XKR9: variants seen among roughly 807,000 people sequenced by gnomAD.
The protein encoded by XKR9 is XK related 9.
In XKR9, 32 loss-of-function variants were observed where a neutral mutation model predicts 32.0. The observed-to-expected ratio is 1.00, with a 90% CI of 0.76 to 1.34. The LOEUF is 1.34. Ranked by LOEUF, XKR9 falls within the 40% of genes most tolerant of loss-of-function variation. XKR9 has a pLI of 0.00. For synonymous variants in XKR9, 168 were observed against 143.4 expected (o/e 1.17, Z -1.22); for missense variants, 546 against 429.7 (o/e 1.27, Z -2.39).
At chr8:71,026,726 AT>A in the XKR9 span, among the ~76,000 whole-genome samples, 1 of 152,192 alleles carries the variant, frequency 6.6e-6, no homozygotes, top group Non-Finnish European at 1.5e-5. Context: ...GATATTTATT[AT>A]TCTAAGTGCA....
chr8:70,960,838 C>A, the XKR9 span, among the ~76,000 whole-genome samples: 1 of 150,204 alleles, frequency 6.7e-6, no homozygotes, highest in Admixed American at 6.6e-5. Context: ...GCCCACCGTA[C>A]TTCAGCCTAG....
At chr8:70,922,931 G>C in the XKR9 span, among the ~76,000 whole-genome samples, 1 of 152,228 alleles carries the variant, frequency 6.6e-6, no homozygotes, top group Non-Finnish European at 1.5e-5. Context: ...TGATGCTGCC[G>C]ACGGGGCTCA....
the XKR9 span, among the ~76,000 whole-genome samples, chr8:70,949,935 A>G: frequency 6.6e-6 from 1 of 152,196 alleles, no homozygotes; most frequent in Non-Finnish European, 1.5e-5. Context: ...TGAAGCTTTG[A>G]GAAGTTCACA....
At chr8:70,889,353 CTTTTTTCCTTCA>C in the XKR9 span, among the ~76,000 whole-genome samples, 1 of 151,444 alleles carries the variant, frequency 6.6e-6, no homozygotes, top group South Asian at 2.1e-4. Flanking sequence ...TTGGTTGGAG[CTTTTTTCCTTCA>C]TTTTTTCCTC....
intron 2 of XKR9, among the ~76,000 whole-genome samples, chr8:70,764,798 G>A (rs535823278): frequency 6.6e-6 from 1 of 152,164 alleles, no homozygotes; most frequent in Non-Finnish European, 1.5e-5. Flanking sequence ...GTGTCCATGT[G>A]TTCTTGTTGT....
intron 2 of XKR9, among the ~76,000 whole-genome samples, chr8:70,749,140 G>T (rs1661014805): frequency 1.3e-5 from 2 of 152,362 alleles, no homozygotes; most frequent in East Asian, 1.9e-4. Flanking sequence ...CCTGAGAGTT[G>T]TTCTGTCACT....
chr8:70,755,202 C>T (rs1292404441), intron 2 of XKR9, among the ~76,000 whole-genome samples: 1 of 152,200 alleles, frequency 6.6e-6, no homozygotes, highest in African/African-American at 2.4e-5. Context: ...ATCAAAGCCA[C>T]AATGAGATAC....
the XKR9 span, among the ~76,000 whole-genome samples, chr8:70,887,113 A>G: frequency 6.6e-6 from 1 of 152,198 alleles, no homozygotes; most frequent in African/African-American, 2.4e-5. Flanking sequence ...TGTTTAAGGA[A>G]GGGGTCCAGT....
At chr8:70,848,920 C>T in the XKR9 span, among the ~76,000 whole-genome samples, 1 of 152,104 alleles carries the variant, frequency 6.6e-6, no homozygotes, top group Admixed American at 6.6e-5. Context: ...TATATGTGCA[C>T]CCAATACAGG....
At position 70,752,902 on chromosome 8, in the gene XKR9, G is replaced by T. The variant is rs147100365; in HGVS notation, n.353-36437G>T. 8.5e-3 allele frequency among the ~76,000 whole-genome samples: 1,289 copies of T among 152,210 alleles called. 19 individuals are homozygous for T. The highest frequency in any genetic ancestry group is 7.6e-3 in the Non-Finnish European group (514 of 68,004). Reference sequence around the variant, plus strand: ...ACATTCAAAAGCTAGCAGAAGGCAAGAAATAACCAAAATCAGACCAGAACT... The same window carrying T: ...ACATTCAAAAGCTAGCAGAAGGCAATAAATAACCAAAATCAGACCAGAACT... On this transcript the variant is annotated intron_variant and non_coding_transcript_variant, in intron 2 of 3. Transcript: ENST00000520273.
intron 3 of XKR9, among the ~76,000 whole-genome samples, chr8:70,705,412 G>A (rs2132173273): frequency 6.6e-6 from 1 of 152,242 alleles, no homozygotes; most frequent in South Asian, 2.1e-4. Flanking sequence ...ATGGTAGAGA[G>A]TACTACTTTA....
chr8:71,040,410 T>G, the XKR9 span, among the ~76,000 whole-genome samples: 1 of 152,218 alleles, frequency 6.6e-6, no homozygotes, highest in Non-Finnish European at 1.5e-5. Context: ...ATCAGCAATT[T>G]TGTATGCTGC....
At chr8:71,034,144 A>G in the XKR9 span, among the ~76,000 whole-genome samples, 1 of 152,072 alleles carries the variant, frequency 6.6e-6, no homozygotes, top group African/African-American at 2.4e-5. Flanking sequence ...TCTCCACCCA[A>G]ATCTTATCTT....
chr8:70,813,660 G>A, the XKR9 span, among the ~76,000 whole-genome samples: 1 of 152,162 alleles, frequency 6.6e-6, no homozygotes, highest in Admixed American at 6.5e-5. Flanking sequence ...TTCAAAAGAA[G>A]ATATTTATGC....
At chr8:71,007,812 A>G in the XKR9 span, among the ~76,000 whole-genome samples, 3 of 152,202 alleles carry the variant, frequency 2.0e-5, no homozygotes, top group East Asian at 3.9e-4. Context: ...TGTTTGTGTT[A>G]TGCAGTTTCT....
At chr8:70,834,934 T>G in the XKR9 span, among the ~76,000 whole-genome samples, 48,492 of 152,018 alleles carry the variant, frequency 0.32, 9,095 homozygotes, top group Non-Finnish European at 0.43. Context: ...TACCAGTGAA[T>G]CTCTGTGCTG....
At chr8:70,773,734 A>G (rs1807483488) in intron 2 of XKR9, among the ~76,000 whole-genome samples, 1 of 152,212 alleles carries the variant, frequency 6.6e-6, no homozygotes, top group Non-Finnish European at 1.5e-5. Context: ...ATGAATCAAC[A>G]AAATGAGTGT....
the XKR9 span, among the ~76,000 whole-genome samples, chr8:70,982,559 A>T: frequency 6.6e-6 from 1 of 152,150 alleles, no homozygotes; most frequent in African/African-American, 2.4e-5. Context: ...AAAAGCACTG[A>T]CCCTATTTCC....
chr8:70,980,732 C>T, the XKR9 span, among the ~76,000 whole-genome samples: 3 of 152,100 alleles, frequency 2.0e-5, no homozygotes, highest in Non-Finnish European at 4.4e-5. Context: ...ACATGTGGGT[C>T]CTGTGAGATT....
Sources: gnomAD v4.1 joint callset for allele counts (sites outside exome capture counted in the v4.1 genomes callset) on GRCh38, gnomAD v4.1.1 for gene constraint, MANE v1.5 for transcripts, NCBI Gene and HGNC (gene_info 2026-07-23, HGNC 2026-07-21) for gene names.